Variants in GALNTL6 observed in about 807,000 individuals in gnomAD.
GALNTL6 encodes the protein polypeptide N-acetylgalactosaminyltransferase like 6, also known as polypeptide N-acetylgalactosaminyltransferase-like 6.
GALNTL6 carries 46 observed loss-of-function variants against 73.7 expected under a neutral mutation model. The ratio of observed to expected loss-of-function variants is 0.62; its 90% CI spans 0.49 to 0.80. The LOEUF (loss-of-function observed/expected upper bound fraction) is 0.80, where lower values mean the gene tolerates loss of function less well. Among genes scored for constraint, GALNTL6 ranks in the 30% least tolerant of loss-of-function variants. GALNTL6 has a pLI of 0.00. For missense variants in GALNTL6, 604 were observed against 755.0 expected, an observed-to-expected ratio of 0.80 and a Z score of 2.34; for synonymous variants, 259 against 263.7, an observed-to-expected ratio of 0.98 and a Z score of 0.17.
chr4:172,278,750 A>G (rs1738925513), intron 3 of GALNTL6, among the ~76,000 whole-genome samples: 1 of 152,166 alleles, frequency 6.6e-6, no homozygotes, highest in Non-Finnish European at 1.5e-5. Flanking sequence ...AAAAATTAAG[A>G]ACTCCAAATA....
chr4:171,912,887 T>G (rs1309130151), intron 2 of GALNTL6, among the ~76,000 whole-genome samples: 1 of 152,230 alleles, frequency 6.6e-6, no homozygotes, highest in Non-Finnish European at 1.5e-5. Context: ...ATTTATTCTT[T>G]TTTTGTGATT....
At chr4:172,462,726 A>G (rs1293230274) in intron 5 of GALNTL6, among the ~76,000 whole-genome samples, 1 of 152,236 alleles carries the variant, frequency 6.6e-6, no homozygotes, top group East Asian at 1.9e-4. Context: ...ATACATGGAA[A>G]ACAGATGTGT....
chr4:172,677,136 C>G (rs1235374610), intron 5 of GALNTL6, among the ~76,000 whole-genome samples: 2 of 151,898 alleles, frequency 1.3e-5, no homozygotes, highest in Non-Finnish European at 2.9e-5. Flanking sequence ...TCAGAAATAA[C>G]TAAAAAAAAA....
At chr4:172,767,164 C>T (rs997999120) in intron 5 of GALNTL6, among the ~76,000 whole-genome samples, 3 of 152,106 alleles carry the variant, frequency 2.0e-5, no homozygotes, top group Non-Finnish European at 4.4e-5. Flanking sequence ...TGTCTTTCAA[C>T]GTATTATTTG....
intron 9 of GALNTL6, among the ~76,000 whole-genome samples, chr4:172,938,557 T>C (rs577569981): frequency 6.6e-6 from 1 of 152,192 alleles, no homozygotes; most frequent in Non-Finnish European, 1.5e-5. Context: ...AGTATGGTGG[T>C]GATGAATGGG....
intron 2 of GALNTL6, among the ~76,000 whole-genome samples, chr4:172,226,786 G>A (rs763903638): frequency 2.6e-5 from 4 of 151,802 alleles, no homozygotes; most frequent in African/African-American, 9.7e-5. Flanking sequence ...GGATTCCTTT[G>A]ACCTTCATTT....
chr4:172,743,501 C>T (rs1172679687), intron 5 of GALNTL6, among the ~76,000 whole-genome samples: 2 of 152,068 alleles, frequency 1.3e-5, no homozygotes, highest in Non-Finnish European at 2.9e-5. Flanking sequence ...GATCGTTGGA[C>T]ACCCTCTGGA....
Position 171,985,442 on chromosome 4 carries a change from A to T in GALNTL6, c.138+170724A>T, listed in dbSNP as rs527732793. ...CCAGGTCCCTCCCACAACATGTGGGAATTATGGGAGCTACAATTCAAGATG... is the reference window on the plus strand; with the variant it reads ...CCAGGTCCCTCCCACAACATGTGGGTATTATGGGAGCTACAATTCAAGATG... On this transcript the variant is annotated intron_variant, in intron 2 of 12. Transcript: ENST00000506823. Among the ~76,000 whole-genome samples, 31 of 152,270 alleles carry T rather than the reference A, an allele frequency of 2.0e-4. No individual in the cohort carries two copies. In the South Asian group the frequency reaches 6.2e-3, roughly 31 times the overall value.
chr4:172,591,630 C>T (rs1737639662), intron 5 of GALNTL6, among the ~76,000 whole-genome samples: 1 of 152,084 alleles, frequency 6.6e-6, no homozygotes, highest in South Asian at 2.1e-4. Flanking sequence ...TCATGAAAGT[C>T]CTAAACAGGC....
chr4:171,908,417 C>T (rs1365724346), intron 2 of GALNTL6, among the ~76,000 whole-genome samples: 1 of 152,090 alleles, frequency 6.6e-6, no homozygotes, highest in Non-Finnish European at 1.5e-5. Flanking sequence ...CACTGGCCAT[C>T]AGAGAAATGC....
At chr4:172,686,580 A>G (rs1732932624) in intron 5 of GALNTL6, among the ~76,000 whole-genome samples, 1 of 151,992 alleles carries the variant, frequency 6.6e-6, no homozygotes, top group Non-Finnish European at 1.5e-5. Flanking sequence ...AAGAAACTTG[A>G]GAAAACTAGA....
chr4:172,871,794 T>G (rs116400970), intron 7 of GALNTL6, among the ~76,000 whole-genome samples: 1,530 of 151,964 alleles, frequency 0.01, 26 homozygotes, highest in African/African-American at 0.033. Context: ...TTTTTTGGGG[T>G]TTTTTTGGTG....
Position 172,917,240 on chromosome 4 carries a change from T to C in GALNTL6, c.1042-13921T>C, listed in dbSNP as rs188451133. On this transcript the variant is annotated intron_variant, in intron 8 of 12. Transcript: ENST00000506823. ...ATCCTTTCCTTACACCTTATACAAATATTAATTCAAGATGGATTAAAGACT... is the reference window on the plus strand; with the variant it reads ...ATCCTTTCCTTACACCTTATACAAACATTAATTCAAGATGGATTAAAGACT... 4.1e-3 allele frequency among the ~76,000 whole-genome samples: 618 copies of C among 152,178 alleles called. 2 individuals carry two copies. Among genetic ancestry groups the C allele is most frequent in the African/African-American group, 0.014 (582 of 41,528 alleles).
chr4:172,858,617 G>T lies in GALNTL6; in HGVS notation c.924-24173G>T, dbSNP rs146828024. The stretch of plus-strand genomic sequence containing the variant: ...GGCCGAGGTGGGTGGATCACTTGAG[G>T]TCAAGAGTTCAAGACCAGCCTGACC... On this transcript the variant is annotated intron_variant, in intron 7 of 12. Transcript: ENST00000506823. Among the ~76,000 whole-genome samples the T allele has an allele frequency of 1.8e-3, 271 of 152,244 alleles. 1 individual carries two copies. The highest frequency in any genetic ancestry group is 0.01 in the Middle Eastern group (3 of 294).
chr4:172,487,134 A>T (rs907994610), intron 5 of GALNTL6, among the ~76,000 whole-genome samples: 4 of 145,732 alleles, frequency 2.7e-5, no homozygotes, highest in Non-Finnish European at 4.6e-5. Flanking sequence ...CAAGTATAAT[A>T]AAAAAAACAA....
At chr4:173,029,156 A>G (rs929622219) in intron 12 of GALNTL6, among the ~76,000 whole-genome samples, 1 of 152,232 alleles carries the variant, frequency 6.6e-6, no homozygotes, top group African/African-American at 2.4e-5. Context: ...AGTTTAACTT[A>G]AAAGTCATGT....
intron 5 of GALNTL6, among the ~76,000 whole-genome samples, chr4:172,659,211 A>G (rs1399375925): frequency 2.6e-5 from 4 of 151,940 alleles, no homozygotes; most frequent in African/African-American, 9.7e-5. Context: ...TTCAATAATC[A>G]TAAAAGCTTT....
At chr4:172,739,663 A>T (rs1221046737) in intron 5 of GALNTL6, among the ~76,000 whole-genome samples, 1 of 152,156 alleles carries the variant, frequency 6.6e-6, no homozygotes, top group African/African-American at 2.4e-5. Context: ...AGTACCCAGG[A>T]TGTAAGAACA....
chr4:171,862,707 T>C (rs1474952710), intron 2 of GALNTL6, among the ~76,000 whole-genome samples: 1 of 152,134 alleles, frequency 6.6e-6, no homozygotes, highest in Non-Finnish European at 1.5e-5. Flanking sequence ...TTAAATATCT[T>C]GACTTTAGTA....
Sources: allele counts gnomAD v4.1 joint callset (sites outside exome capture counted in the v4.1 genomes callset), GRCh38; gene constraint gnomAD v4.1.1; transcripts MANE v1.5; gene names NCBI Gene and HGNC (gene_info 2026-07-23, HGNC 2026-07-21).